The following SGK1 variants were observed in gnomAD, a reference collection of about 807,000 sequenced individuals.
The protein encoded by SGK1 is serine/threonine-protein kinase Sgk1.
Under a neutral mutation model 64.2 loss-of-function variants are expected in SGK1, and 26 were observed. That is an observed-to-expected ratio of 0.40 (90% CI 0.30 to 0.56). The LOEUF (loss-of-function observed/expected upper bound fraction) is 0.56. SGK1 is among the 20% of genes least tolerant of loss of function. SGK1 has a pLI of 0.38. For missense variants in SGK1, 519 were observed against 645.6 expected, an observed-to-expected ratio of 0.80 and a Z score of 2.12; for synonymous variants, 265 against 239.7, an observed-to-expected ratio of 1.11 and a Z score of -0.98.
At chr6:134,317,153 C>T (rs1377501943) in intron 1 of SGK1, among the ~76,000 whole-genome samples, 2 of 152,156 alleles carry the variant, frequency 1.3e-5, no homozygotes, top group East Asian at 1.9e-4. Context: ...CCAGCTCAAA[C>T]CCGTTTAAGG....
intron 7 of SGK1, 43 bp downstream of exon 7, chr6:134,173,231 A>G (rs1216545558): frequency 6.2e-7 from 1 of 1,609,958 alleles, no homozygotes; most frequent in Non-Finnish European, 8.5e-7. Flanking sequence ...TTATTCAAGG[A>G]GTGTCTACCG....
chr6:134,286,929 G>A (rs1050651376), intron 1 of SGK1, among the ~76,000 whole-genome samples: 6 of 152,146 alleles, frequency 3.9e-5, no homozygotes, highest in African/African-American at 1.4e-4. Flanking sequence ...AAGAGAGGTT[G>A]GGGGCATTTG....
At chr6:134,173,001 G>A (rs1227789005) in intron 8 of SGK1, 22 bp downstream of exon 8, 5 of 1,598,406 alleles carry the variant, frequency 3.1e-6, no homozygotes, top group Non-Finnish European at 4.3e-6. Flanking sequence ...ACTAAGAGTT[G>A]ACTTCTATCC....
intron 1 of SGK1, among the ~76,000 whole-genome samples, chr6:134,262,642 T>C (rs991591770): frequency 2.0e-5 from 3 of 151,996 alleles, no homozygotes; most frequent in Admixed American, 6.6e-5. Flanking sequence ...GAGGTTGCAG[T>C]GAGCTGAGAT....
chr6:134,279,953 G>C (rs1777069404), intron 1 of SGK1, among the ~76,000 whole-genome samples: 1 of 152,142 alleles, frequency 6.6e-6, no homozygotes, highest in Admixed American at 6.6e-5. Flanking sequence ...AATACTTTGG[G>C]AGGTTGAGGT....
chr6:134,297,069 G>A (rs1256368410), intron 1 of SGK1: 1 of 476,594 alleles, frequency 2.1e-6, no homozygotes. Context: ...CACAACCACA[G>A]CCCTGGTGGA....
Position 134,173,167 on chromosome 6 carries a change from C to T in SGK1, c.703-13G>A. 6.2e-7 allele frequency: 1 copy of T among 1,611,044 alleles called. No individual in the cohort carries two copies. Among genetic ancestry groups the T allele is most frequent in the Non-Finnish European group, 8.5e-7 (1 of 1,177,712 alleles). ...TAATATGCTTCTCCTAGGAAAATGA[C>T]GATTCAGATTTAGTGGCATGTTTCA... On this transcript the variant is annotated splice_polypyrimidine_tract_variant and intron_variant, in intron 7 of 13. Coordinates refer to ENST00000367858, the MANE Select transcript of SGK1 (RefSeq NM_001143676.3).
chr6:134,223,902 A>G (rs912274363), intron 2 of SGK1, among the ~76,000 whole-genome samples: 10 of 152,228 alleles, frequency 6.6e-5, no homozygotes, highest in African/African-American at 2.4e-4. Flanking sequence ...AATATTTCTT[A>G]TATGCCTTGG....
At chr6:134,188,605 TCA>T (rs1775458535) in intron 3 of SGK1, among the ~76,000 whole-genome samples, 1 of 152,188 alleles carries the variant, frequency 6.6e-6, no homozygotes, top group Non-Finnish European at 1.5e-5. Context: ...AGGCTTCACC[TCA>T]CACAGAGACA....
At chr6:134,190,301 T>A (rs1775489792) in intron 3 of SGK1, among the ~76,000 whole-genome samples, 1 of 151,488 alleles carries the variant, frequency 6.6e-6, no homozygotes. Flanking sequence ...TTTTTTTTTT[T>A]TTGAGATAGA....
chr6:134,195,128 G>A (rs186424232), intron 3 of SGK1, among the ~76,000 whole-genome samples: 2 of 152,044 alleles, frequency 1.3e-5, no homozygotes, highest in African/African-American at 4.8e-5. Flanking sequence ...TTAGGACTAT[G>A]GAAATGAAAG....
chr6:134,206,407 T>TTA (rs1775786412), intron 3 of SGK1, among the ~76,000 whole-genome samples: 2 of 128,982 alleles, frequency 1.6e-5, no homozygotes, highest in African/African-American at 5.9e-5. Flanking sequence ...TTTTTTTTTT[T>TTA]AAATGACAGG....
chr6:134,247,487 A>G (rs1776541837), intron 2 of SGK1, among the ~76,000 whole-genome samples: 1 of 152,248 alleles, frequency 6.6e-6, no homozygotes, highest in Non-Finnish European at 1.5e-5. Flanking sequence ...CTGAACAGGA[A>G]GGAATAGCAC....
chr6:134,261,513 C>A (rs1768641931), intron 2 of SGK1: 2 of 346,042 alleles, frequency 5.8e-6, no homozygotes, highest in East Asian at 4.3e-5. Flanking sequence ...TAGTGGAGGG[C>A]AGAGGATTTT....
intron 3 of SGK1, among the ~76,000 whole-genome samples, chr6:134,179,528 T>C (rs1775300400): frequency 6.9e-6 from 1 of 145,102 alleles, no homozygotes; most frequent in South Asian, 2.1e-4. Context: ...AAAATGATGA[T>C]GACAAATGAG....
chr6:134,170,280 G>A lies in SGK1; in HGVS notation c.1569C>T (p.Asp523=), dbSNP rs957848462. The part of the protein sequence containing the change: ...FLGFSYAPPT[D]SFL ...GCCCTAACAGGGTTCAGAGGAAAGA[G>A]TCCGTGGGAGGCGCATAGGAAAAGC... The change falls in exon 14 of 14, where the codon GAC becomes GAT. Residue 523 remains aspartate, a synonymous_variant. Transcript: ENST00000367858. 1.3e-5 allele frequency: 21 copies of A among 1,612,846 alleles called. No homozygotes were observed. The highest frequency in any genetic ancestry group is 1.8e-5 in the Non-Finnish European group (21 of 1,179,060).
At chr6:134,271,377 T>A (rs1033927077) in intron 1 of SGK1, among the ~76,000 whole-genome samples, 3 of 147,820 alleles carry the variant, frequency 2.0e-5, no homozygotes, top group Non-Finnish European at 3.0e-5. Context: ...GATATGTACT[T>A]TTTTTAGATA....
At chr6:134,225,008 C>CAAAAAAAAA (rs779785039) in intron 2 of SGK1, among the ~76,000 whole-genome samples, 3 of 39,816 alleles carry the variant, frequency 7.5e-5, no homozygotes, top group Non-Finnish European at 1.5e-4. Flanking sequence ...GACTCCATCT[C>CAAAAAAAAA]AAAAAAAAAA....
chr6:134,202,170 A>G (rs1191595439), intron 3 of SGK1, among the ~76,000 whole-genome samples: 1 of 152,230 alleles, frequency 6.6e-6, no homozygotes, highest in Non-Finnish European at 1.5e-5. Context: ...CAGAAACTCT[A>G]CAGGCCAGAA....
Sources: gnomAD v4.1 joint callset for allele counts (sites outside exome capture counted in the v4.1 genomes callset) on GRCh38, gnomAD v4.1.1 for gene constraint, MANE v1.5 for transcripts, NCBI Gene and HGNC (gene_info 2026-07-23, HGNC 2026-07-21) for gene names.